Variants in UTP4 observed in about 807,000 individuals in gnomAD.
UTP4 encodes U3 small nucleolar RNA-associated protein 4 homolog.
In UTP4, 45 loss-of-function variants were observed where a neutral mutation model predicts 82.4. The observed-to-expected ratio is 0.55, with a 90% CI of 0.43 to 0.70. The LOEUF (loss-of-function observed/expected upper bound fraction) is 0.70. UTP4 is among the 30% of genes least tolerant of loss of function. The pLI, the probability that UTP4 is intolerant of heterozygous loss-of-function variation, is 0.00. For synonymous variants in UTP4, 348 were observed against 300.3 expected, an observed-to-expected ratio of 1.16 and a Z score of -1.64; for missense variants, 819 against 858.3, an observed-to-expected ratio of 0.95 and a Z score of 0.57.
Position 69,132,662 on chromosome 16 carries a change from C to A in UTP4, c.-30C>A. On this transcript the variant is annotated 5_prime_UTR_variant, in exon 1 of 17. Transcript: ENST00000314423. ...TGGGGCCGGGGCGGAGAGAGGCGAG[C>A]ACCGGGAAGGGGAGCGTGGGGCCGC... is the stretch of plus-strand genomic sequence containing the variant. 1 of 357,956 alleles carries A rather than the reference C, an allele frequency of 2.8e-6. No individual in the cohort carries two copies. The highest frequency in any genetic ancestry group is 5.4e-6 in the Non-Finnish European group (1 of 184,166). 22.2% of individuals were successfully genotyped at this position (357,956 alleles called of 1,614,324 possible). A position where few individuals can be genotyped will look rare whatever the true frequency, so the allele number is the denominator to read the frequency against.
rs751416658 is a variant in UTP4 at position 69,136,781 on chromosome 16, A to G, written c.245A>G (p.Glu82Gly). The G allele has an allele frequency of 3.1e-6, 5 of 1,613,984 alleles. No individual in the cohort carries two copies. The Admixed American group carries it at 8.3e-5, about 27-fold the overall frequency. The change falls in exon 3 of 17, where the codon GAG becomes GGG. Residue 82 changes from glutamate (E) to glycine (G), a missense_variant. Coordinates refer to ENST00000314423, the MANE Select transcript of UTP4 (RefSeq NM_032830.3). ...CTCTTTAGTGCTGGGCTCAATGGCG[A>G]GATTATGGAGTATGATTTACAGGCG... ...QRLFSAGLNG[E>G]IMEYDLQALN...
At chr16:69,164,865 A>G (rs1038409626) in intron 14 of UTP4, among the ~76,000 whole-genome samples, 1 of 152,060 alleles carries the variant, frequency 6.6e-6, no homozygotes, top group East Asian at 1.9e-4. Context: ...AACAAAAGCA[A>G]GATACAGAAC....
chr16:69,146,672 C>A (rs1013881993), intron 6 of UTP4, among the ~76,000 whole-genome samples: 2 of 151,106 alleles, frequency 1.3e-5, no homozygotes, highest in Non-Finnish European at 1.5e-5. Flanking sequence ...ACCAGCCTGG[C>A]CAGTATGATG....
At chr16:69,139,773 T>C (rs1597134556) in intron 4 of UTP4, 52 bp from the exon 5 acceptor site, 2 of 1,208,170 alleles carry the variant, frequency 1.7e-6, no homozygotes, top group East Asian at 4.7e-5. Flanking sequence ...TCAGTTACTC[T>C]TCGTATATTT....
chr16:69,155,168 TTTTG>T (rs1313048650), intron 10 of UTP4, among the ~76,000 whole-genome samples: 3 of 152,202 alleles, frequency 2.0e-5, no homozygotes, highest in African/African-American at 4.8e-5. Context: ...TGGTTGGTTT[TTTTG>T]TTTGTTTGCT....
intron 14 of UTP4, among the ~76,000 whole-genome samples, chr16:69,164,474 C>T (rs1385626512): frequency 6.6e-6 from 1 of 151,694 alleles, no homozygotes; most frequent in African/African-American, 2.4e-5. Context: ...AAACAGTACT[C>T]TCACACATTG....
At position 69,143,202 on chromosome 16, in the gene UTP4, T is replaced by C. The variant is rs1597137021; in HGVS notation, c.551T>C (p.Val184Ala). ...KSGSAVHKMIVDRQYMGVSKR... is the reference protein window; with the variant it reads ...KSGSAVHKMIADRQYMGVSKR... ...GGCAGCGCTGTTCATAAGATGATTG[T>C]GGACAGGCAGTATATGGGCGTGTCT... The change falls in exon 6 of 17, where the codon GTG becomes GCG. Residue 184 changes from valine to alanine, a missense_variant. Coordinates refer to ENST00000314423, the MANE Select transcript of UTP4 (RefSeq NM_032830.3). The C allele has an allele frequency of 6.2e-7, 1 of 1,614,222 alleles. No individual in the cohort carries two copies. The highest frequency in any genetic ancestry group is 1.3e-5 in the African/African-American group (1 of 75,052).
chr16:69,138,158 C>T (rs367918318), intron 4 of UTP4: 1 of 456,300 alleles, frequency 2.2e-6, no homozygotes, highest in Non-Finnish European at 3.9e-6. Flanking sequence ...TTATCACTTA[C>T]TTTTGTGATG....
intron 16 of UTP4, among the ~76,000 whole-genome samples, chr16:69,168,427 C>CTCTG (rs1963755577): frequency 1.7e-5 from 1 of 58,456 alleles, no homozygotes; most frequent in South Asian, 5.0e-4. Context: ...CAGAGCGAGA[C>CTCTG]TGTCTCAAAA....
At chr16:69,147,178 A>AAAT (rs59985843) in intron 6 of UTP4, among the ~76,000 whole-genome samples, 20,238 of 132,344 alleles carry the variant, frequency 0.15, 1,640 homozygotes, top group Non-Finnish European at 0.18. Context: ...CTCCAGCTCA[A>AAAT]AATAATAATA....
chr16:69,139,799 T>A, intron 4 of UTP4, 26 bp from the exon 5 acceptor site: 1 of 1,524,660 alleles, frequency 6.6e-7, no homozygotes, highest in Non-Finnish European at 9.1e-7. Context: ...TATGTCACTT[T>A]CTTTTTTTGT....
intron 2 of UTP4, among the ~76,000 whole-genome samples, chr16:69,136,180 C>T (rs1962808418): frequency 6.6e-6 from 1 of 152,132 alleles, no homozygotes; most frequent in Non-Finnish European, 1.5e-5. Context: ...AAAATTATAC[C>T]TACTTAGTTC....
chr16:69,162,334 T>C (rs538846219), intron 13 of UTP4, among the ~76,000 whole-genome samples: 5 of 151,626 alleles, frequency 3.3e-5, no homozygotes, highest in Non-Finnish European at 7.4e-5. Flanking sequence ...TCCCAGCACT[T>C]TGGGAGGCCG....
At chr16:69,159,423 A>G (rs1288221507) in intron 12 of UTP4, among the ~76,000 whole-genome samples, 6 of 152,154 alleles carry the variant, frequency 3.9e-5, no homozygotes, top group Non-Finnish European at 8.8e-5. Context: ...GGCCGGGCAC[A>G]GTGGCTCACA....
At chr16:69,168,458 G>T (rs1374957792) in intron 16 of UTP4, among the ~76,000 whole-genome samples, 6 of 124,294 alleles carry the variant, frequency 4.8e-5, no homozygotes, top group Non-Finnish European at 8.6e-5. Flanking sequence ...AAAAAAAAAA[G>T]GCTCCCAATC....
chr16:69,168,863 G>T lies in UTP4; in HGVS notation c.1987G>T (p.Ala663Ser). 1 of 1,613,992 alleles carries T rather than the reference G, an allele frequency of 6.2e-7. No homozygotes were observed. Among genetic ancestry groups the T allele is most frequent in the Non-Finnish European group, 8.5e-7 (1 of 1,179,882 alleles). ...TCTTTTGGATGAAAGAACACTCGTG[G>T]CAGTAGAACGGCCTCTGGATGACAT... ...MDLLDERTLV[A>S]VERPLDDIIA... is the part of the protein sequence containing the mutation. Residue 663 changes from alanine to serine, a missense_variant, in exon 17 of 17, where the codon GCA becomes TCA. By Grantham distance (99) the Ala-to-Ser change is moderately conservative. Coordinates refer to ENST00000314423, the MANE Select transcript of UTP4 (RefSeq NM_032830.3).
At chr16:69,150,985 C>G in intron 8 of UTP4, 81 bp downstream of exon 8, 1 of 1,109,538 alleles carries the variant, frequency 9.0e-7, no homozygotes, top group Non-Finnish European at 1.4e-6. Flanking sequence ...CTGAACACAG[C>G]TCACGCTCGG....
Position 69,168,222 on chromosome 16 carries a change from T to G in UTP4, c.1945-599T>G, listed in dbSNP as rs532438975. Among the ~76,000 whole-genome samples, 743 of 151,290 alleles carry G rather than the reference T, an allele frequency of 4.9e-3. 2 individuals carry two copies. The highest frequency in any genetic ancestry group is 0.018 in the African/African-American group (723 of 41,248). Reference sequence around the variant, plus strand: ...GAGGCCAAGGTGGGCGGATCACGAGTTCAGGAGATCGAGACCATCCTGGCT... The same window carrying G: ...GAGGCCAAGGTGGGCGGATCACGAGGTCAGGAGATCGAGACCATCCTGGCT... On this transcript the variant is annotated intron_variant, in intron 16 of 16. Transcript: ENST00000314423.
chr16:69,134,209 T>C (rs1293688663), intron 2 of UTP4, among the ~76,000 whole-genome samples: 1 of 152,278 alleles, frequency 6.6e-6, no homozygotes, highest in East Asian at 1.9e-4. Flanking sequence ...GGGTGCAACA[T>C]CTTAGTTCAT....
Sources: allele counts gnomAD v4.1 joint callset (sites outside exome capture counted in the v4.1 genomes callset), GRCh38; gene constraint gnomAD v4.1.1; transcripts MANE v1.5; gene names NCBI Gene and HGNC (gene_info 2026-07-23, HGNC 2026-07-21).